Variants in MAMDC2 observed in about 807,000 individuals in gnomAD.
MAMDC2 encodes MAM domain-containing protein 2.
Under a neutral mutation model 89.8 loss-of-function variants are expected in MAMDC2, and 57 were observed. The ratio of observed to expected loss-of-function variants is 0.63; its 90% CI spans 0.51 to 0.79. The LOEUF is 0.79. Among genes scored for constraint, MAMDC2 ranks in the 30% least tolerant of loss-of-function variants. MAMDC2 has a pLI of 0.00. For missense variants in MAMDC2, 800 were observed against 820.6 expected, an observed-to-expected ratio of 0.97 and a Z score of 0.31; for synonymous variants, 313 against 293.4, an observed-to-expected ratio of 1.07 and a Z score of -0.68.
At chr9:70,045,056 C>T (rs922571714) in intron 2 of MAMDC2, among the ~76,000 whole-genome samples, 1 of 152,242 alleles carries the variant, frequency 6.6e-6, no homozygotes, top group Non-Finnish European at 1.5e-5. Flanking sequence ...CTTTCTGGTC[C>T]TCAGGAGACA....
chr9:70,132,592 T>G (rs2118372302), intron 7 of MAMDC2, among the ~76,000 whole-genome samples: 1 of 151,376 alleles, frequency 6.6e-6, no homozygotes, highest in East Asian at 1.9e-4. Flanking sequence ...CAGGCTAGAG[T>G]GCAGTGGTGC....
intron 8 of MAMDC2, among the ~76,000 whole-genome samples, chr9:70,141,375 C>T (rs1001956202): frequency 3.3e-5 from 5 of 152,092 alleles, no homozygotes; most frequent in East Asian, 1.9e-4. Context: ...AACATTCAAG[C>T]AGATTAACTC....
At chr9:70,140,586 C>A (rs1455478351) in intron 8 of MAMDC2, among the ~76,000 whole-genome samples, 1 of 152,114 alleles carries the variant, frequency 6.6e-6, no homozygotes, top group South Asian at 2.1e-4. Context: ...TATACGAAAT[C>A]TCCAGAAGAG....
At position 70,218,678 on chromosome 9, in the gene MAMDC2, G is replaced by C. The variant is rs1047170014; in HGVS notation, c.1911+82G>C. 39 of 1,462,668 alleles carry C rather than the reference G, an allele frequency of 2.7e-5. No homozygotes were observed. The East Asian group carries it at 8.7e-4, about 33-fold the overall frequency. The allele number at this position is 1,462,668 out of a possible 1,614,324, so 90.6% of individuals were successfully genotyped here. ...TCTTTCTTATTCTTGCTACCAAAGA[G>C]AATATTTTGTTCTTTTTCAGGGTCA... On this transcript the variant is annotated intron_variant, in intron 12 of 13. Transcript: ENST00000377182.
rs754937057 is a variant in MAMDC2, at chr9:70,143,699, A to T, written c.1284A>T (p.Leu428=). 3.1e-6 allele frequency: 5 copies of T among 1,614,066 alleles called. No individual in the cohort carries two copies. The East Asian group carries it at 1.1e-4, about 36-fold the overall frequency. ...GATTTTTAAAAATGAGTGACACCCT[A>T]GCAGTTTACATCTTTGAAGAGAACC... ...IYGFLKMSDT[L]AVYIFEENHV... is the part of the protein sequence containing the mutation. The change falls in exon 9 of 14, where the codon CTA becomes CTT. Residue 428 remains leucine (L), a synonymous_variant. Transcript: ENST00000377182.
chr9:70,150,913 C>T (rs1320768300), intron 9 of MAMDC2, among the ~76,000 whole-genome samples: 1 of 152,206 alleles, frequency 6.6e-6, no homozygotes. Flanking sequence ...TGGACCTCCC[C>T]TGCGTGAAAC....
chr9:70,192,335 A>C (rs914570433), intron 11 of MAMDC2, among the ~76,000 whole-genome samples: 2 of 152,084 alleles, frequency 1.3e-5, no homozygotes, highest in African/African-American at 4.8e-5. Context: ...AGTATTATTT[A>C]TTTAAGAACA....
At chr9:70,052,863 C>G (rs1024047775) in intron 2 of MAMDC2, among the ~76,000 whole-genome samples, 1 of 152,332 alleles carries the variant, frequency 6.6e-6, no homozygotes, top group African/African-American at 2.4e-5. Flanking sequence ...AGCAGTATTA[C>G]AGCTTGTCTC....
Position 70,077,247 on chromosome 9 carries a change from A to T in MAMDC2, c.149-30964A>T, listed in dbSNP as rs1235655928. Among the ~76,000 whole-genome samples, 3 of 152,360 alleles carry T rather than the reference A, an allele frequency of 2.0e-5. No individual in the cohort carries two copies. The East Asian group carries it at 5.8e-4, about 29-fold the overall frequency. On this transcript the variant is annotated intron_variant, in intron 2 of 13. Coordinates refer to ENST00000377182, the MANE Select transcript of MAMDC2 (RefSeq NM_153267.5). ...TGATCACGTCAAAGAATGAAGGAGT[A>T]GCTGATACGCAACAGAGGTGAAACC...
chr9:70,099,218 TATTAATAGTCCCAAAG>T (rs1344069952), intron 2 of MAMDC2, among the ~76,000 whole-genome samples: 2 of 152,212 alleles, frequency 1.3e-5, no homozygotes, highest in East Asian at 3.9e-4. Flanking sequence ...AAAACTCAGA[TATTAATAGTCCCAAAG>T]ATTAAAAAAT....
At chr9:70,075,702 C>T (rs1827514313) in intron 2 of MAMDC2, among the ~76,000 whole-genome samples, 1 of 152,178 alleles carries the variant, frequency 6.6e-6, no homozygotes, top group Non-Finnish European at 1.5e-5. Context: ...GTCCCACTTC[C>T]AGAAATCTAG....
At chr9:70,063,621 C>T (rs1371968640) in intron 2 of MAMDC2, among the ~76,000 whole-genome samples, 1 of 152,106 alleles carries the variant, frequency 6.6e-6, no homozygotes, top group Non-Finnish European at 1.5e-5. Flanking sequence ...TATCTTATAA[C>T]TTAATGTCTC....
rs1020689518 is a variant in MAMDC2 at position 70,176,055 on chromosome 9, T to C, written c.1651+5424T>C. 2.6e-5 allele frequency among the ~76,000 whole-genome samples: 4 copies of C among 152,162 alleles called. No individual in the cohort carries two copies. In the South Asian group the frequency reaches 6.2e-4, roughly 24 times the overall value. On this transcript the variant is annotated intron_variant, in intron 11 of 13. Coordinates refer to ENST00000377182, the MANE Select transcript of MAMDC2 (RefSeq NM_153267.5). ...TTGGAGAAGACACAATTGAACCCAC[T>C]CCCAGGATTTAGGGCAATGGGTTGA...
At chr9:70,060,126 C>G (rs1358771757) in intron 2 of MAMDC2, among the ~76,000 whole-genome samples, 9 of 152,298 alleles carry the variant, frequency 5.9e-5, no homozygotes, top group Admixed American at 5.9e-4. Context: ...TGTTCATTGT[C>G]TATCAACCCT....
intron 2 of MAMDC2, among the ~76,000 whole-genome samples, chr9:70,089,718 G>A (rs1305149927): frequency 2.0e-5 from 3 of 152,076 alleles, no homozygotes; most frequent in Admixed American, 2.0e-4. Context: ...CTAGCTTTAG[G>A]TCCAAATAAA....
At chr9:70,047,174 T>G (rs1826773317) in intron 2 of MAMDC2, among the ~76,000 whole-genome samples, 1 of 151,574 alleles carries the variant, frequency 6.6e-6, no homozygotes, top group South Asian at 2.1e-4. Flanking sequence ...TTTCAGAGAC[T>G]TTTGCCCACA....
chr9:70,170,236 C>T, intron 10 of MAMDC2: 1 of 390,660 alleles, frequency 2.6e-6, no homozygotes. Flanking sequence ...GTTTTTTTCT[C>T]AAAGTAGCCC....
At chr9:70,114,431 TAA>T (rs968225397) in intron 5 of MAMDC2, among the ~76,000 whole-genome samples, 11 of 151,824 alleles carry the variant, frequency 7.2e-5, no homozygotes, top group Non-Finnish European at 1.6e-4. Context: ...CCCAAATTTT[TAA>T]AAGTTGGTGA....
chr9:70,056,611 G>A (rs1441586973), intron 2 of MAMDC2, among the ~76,000 whole-genome samples: 1 of 152,132 alleles, frequency 6.6e-6, no homozygotes, highest in Admixed American at 6.5e-5. Context: ...TTGGCACGCG[G>A]CGTGATTCAT....
Sources: gnomAD v4.1 joint callset for allele counts (sites outside exome capture counted in the v4.1 genomes callset) on GRCh38, gnomAD v4.1.1 for gene constraint, MANE v1.5 for transcripts, NCBI Gene and HGNC (gene_info 2026-07-23, HGNC 2026-07-21) for gene names.